Variants in ANKS1B observed in about 807,000 individuals in gnomAD.
The protein encoded by ANKS1B is ankyrin repeat and sterile alpha motif domain containing 1B, also known as ankyrin repeat and sterile alpha motif domain-containing protein 1B.
A neutral mutation model predicts 148.3 loss-of-function variants in ANKS1B; 36 were observed. The observed-to-expected ratio is 0.24, with a 90% confidence interval of 0.19 to 0.32. The LOEUF is 0.32. Ranked by LOEUF, ANKS1B falls within the 10% of genes least tolerant of loss-of-function variation. ANKS1B has a pLI of 1.00. For synonymous variants in ANKS1B, 542 were observed against 560.8 expected (o/e 0.97, Z 0.47); for missense variants, 1,157 against 1,542.6 (o/e 0.75, Z 4.19).
At chr12:99,703,802 G>C (rs1460319521) in intron 8 of ANKS1B, among the ~76,000 whole-genome samples, 1 of 152,088 alleles carries the variant, frequency 6.6e-6, no homozygotes, top group African/African-American at 2.4e-5. Context: ...CCAGTGCCTA[G>C]CGCAAAGCCT....
At chr12:99,557,035 G>A (rs1300454479) in intron 9 of ANKS1B, among the ~76,000 whole-genome samples, 2 of 152,132 alleles carry the variant, frequency 1.3e-5, no homozygotes, top group Non-Finnish European at 2.9e-5. Context: ...CACTGTAAGT[G>A]AGATGTTCAA....
intron 17 of ANKS1B, among the ~76,000 whole-genome samples, chr12:98,958,874 T>G (rs2099866647): frequency 6.6e-6 from 1 of 152,224 alleles, no homozygotes; most frequent in Non-Finnish European, 1.5e-5. Context: ...GATGTATCAA[T>G]GAGACATTTC....
intron 10 of ANKS1B, among the ~76,000 whole-genome samples, chr12:99,480,799 T>A (rs1473840601): frequency 2.6e-5 from 4 of 152,032 alleles, no homozygotes; most frequent in East Asian, 1.9e-4. Context: ...ATTAGTTTTT[T>A]CCTCAAATTT....
chr12:99,321,461 G>A (rs1013958949), intron 12 of ANKS1B, among the ~76,000 whole-genome samples: 6 of 152,208 alleles, frequency 3.9e-5, no homozygotes, highest in Non-Finnish European at 1.5e-5. Context: ...AGACTGCTGT[G>A]CTAGCAGTGA....
chr12:99,505,602 T>A (rs2096703204), intron 9 of ANKS1B, among the ~76,000 whole-genome samples: 1 of 148,624 alleles, frequency 6.7e-6, no homozygotes, highest in African/African-American at 2.4e-5. Flanking sequence ...CTACTATATA[T>A]ATGTAGAATA....
intron 17 of ANKS1B, among the ~76,000 whole-genome samples, chr12:99,042,178 G>C (rs2099959481): frequency 6.6e-6 from 1 of 152,142 alleles, no homozygotes; most frequent in Non-Finnish European, 1.5e-5. Flanking sequence ...CTCCTATTGA[G>C]AGGTGAACTA....
intron 10 of ANKS1B, among the ~76,000 whole-genome samples, chr12:99,456,537 T>C (rs1017871047): frequency 6.6e-6 from 1 of 151,938 alleles, no homozygotes; most frequent in Admixed American, 6.6e-5. Flanking sequence ...ATACAGGATA[T>C]GAATGGAAAA....
At chr12:98,918,784 TTTAA>T (rs1352559049) in intron 17 of ANKS1B, among the ~76,000 whole-genome samples, 1 of 152,214 alleles carries the variant, frequency 6.6e-6, no homozygotes, top group Non-Finnish European at 1.5e-5. Context: ...TTTTTAATTG[TTTAA>T]TTATTTAATT....
At chr12:99,188,800 G>A (rs1041030671) in intron 14 of ANKS1B, among the ~76,000 whole-genome samples, 11 of 152,088 alleles carry the variant, frequency 7.2e-5, no homozygotes, top group African/African-American at 1.7e-4. Flanking sequence ...AGAAGCAAGA[G>A]CAAACAAATT....
intron 17 of ANKS1B, among the ~76,000 whole-genome samples, chr12:98,972,467 G>A (rs551303337): frequency 6.6e-5 from 10 of 152,276 alleles, no homozygotes; most frequent in Middle Eastern, 3.4e-3. Flanking sequence ...AAGGTTGACT[G>A]TATCATAATC....
intron 24 of ANKS1B, among the ~76,000 whole-genome samples, chr12:98,779,395 C>T (rs1186776668): frequency 6.6e-6 from 1 of 152,144 alleles, no homozygotes. Context: ...CAGCTGCATC[C>T]AGCCATACCC....
chr12:99,108,924 A>G (rs1438077047), intron 15 of ANKS1B, among the ~76,000 whole-genome samples: 1 of 152,194 alleles, frequency 6.6e-6, no homozygotes, highest in Non-Finnish European at 1.5e-5. Flanking sequence ...GGTGAGATAC[A>G]TGGTACTGAT....
chr12:99,682,167 C>T (rs1469833018), intron 8 of ANKS1B, among the ~76,000 whole-genome samples: 2 of 152,144 alleles, frequency 1.3e-5, no homozygotes, highest in African/African-American at 2.4e-5. Context: ...TAGTGGAGGA[C>T]TTCAATACTC....
chr12:98,906,995 C>G lies in ANKS1B; in HGVS notation c.2779-74859G>C, dbSNP rs539514063. On this transcript the variant is annotated intron_variant, in intron 17 of 26. Transcript: ENST00000683438. ...AGCTAATGAACATATCATCCCCTCA[C>G]ATAGTTACTCTGTGTGTGTGTGTGT... Among the ~76,000 whole-genome samples, 5 of 139,578 alleles carry G rather than the reference C, an allele frequency of 3.6e-5. No homozygotes were observed. In the South Asian group the frequency reaches 1.3e-3, roughly 35 times the overall value. The allele number at this position is 139,578 out of a possible 152,430, so 91.6% of individuals were successfully genotyped here.
At chr12:99,570,414 G>A (rs1383691152) in intron 9 of ANKS1B, among the ~76,000 whole-genome samples, 3 of 152,138 alleles carry the variant, frequency 2.0e-5, no homozygotes, top group East Asian at 3.9e-4. Context: ...TTGGGAGGCC[G>A]AGGCAGGCAG....
At chr12:99,008,667 A>T (rs1333866724) in intron 17 of ANKS1B, among the ~76,000 whole-genome samples, 11 of 152,198 alleles carry the variant, frequency 7.2e-5, no homozygotes, top group Non-Finnish European at 1.6e-4. Flanking sequence ...ATTTAGGTAG[A>T]TATGCTGAAC....
At chr12:98,867,606 G>A (rs555307668) in intron 17 of ANKS1B, among the ~76,000 whole-genome samples, 43 of 152,248 alleles carry the variant, frequency 2.8e-4, no homozygotes, top group African/African-American at 1.0e-3. Flanking sequence ...CACGCCTGTA[G>A]TCCCAGCACT....
At chr12:99,573,684 C>A (rs960716072) in intron 9 of ANKS1B, among the ~76,000 whole-genome samples, 1 of 151,836 alleles carries the variant, frequency 6.6e-6, no homozygotes. Context: ...ACATCACTCT[C>A]AATCAATAAT....
intron 8 of ANKS1B, among the ~76,000 whole-genome samples, chr12:99,680,544 C>A (rs1460254513): frequency 6.6e-6 from 1 of 152,134 alleles, no homozygotes; most frequent in Non-Finnish European, 1.5e-5. Context: ...GCAAGTGGAA[C>A]TGGGGAAGGA....
Sources: allele counts gnomAD v4.1 joint callset (sites outside exome capture counted in the v4.1 genomes callset), GRCh38; gene constraint gnomAD v4.1.1; transcripts MANE v1.5; gene names NCBI Gene and HGNC (gene_info 2026-07-23, HGNC 2026-07-21).